The following NAPA variants were observed in gnomAD, a reference collection of about 807,000 sequenced individuals.
NAPA encodes the protein NSF attachment protein alpha, also known as alpha-soluble NSF attachment protein.
In NAPA, 18 loss-of-function variants were observed where a neutral mutation model predicts 48.0. That is an observed-to-expected ratio of 0.38 (90% CI 0.26 to 0.56). The LOEUF is 0.56. Among genes scored for constraint, NAPA ranks in the 20% least tolerant of loss-of-function variants. NAPA has a pLI of 0.77. For synonymous variants in NAPA, 152 were observed against 149.9 expected (o/e 1.01, Z -0.10); for missense variants, 315 against 385.0 (o/e 0.82, Z 1.52).
At chr19:47,490,367 G>A (rs990823564) in intron 9 of NAPA, among the ~76,000 whole-genome samples, 1 of 149,406 alleles carries the variant, frequency 6.7e-6, no homozygotes, top group Non-Finnish European at 1.5e-5. Context: ...TGTGTGTGGT[G>A]TGTGTGTAGT....
Position 47,493,328 on chromosome 19 carries a change from C to A in NAPA, c.420+88G>T. The A allele has an allele frequency of 6.5e-7, 1 of 1,529,806 alleles. No homozygotes were observed. Among genetic ancestry groups the A allele is most frequent in the South Asian group, 1.1e-5 (1 of 88,464 alleles). The allele number at this position is 1,529,806 out of a possible 1,614,324, so 94.8% of individuals were successfully genotyped here. A position where few individuals can be genotyped will look rare whatever the true frequency, so the allele number is the denominator to read the frequency against. On this transcript the variant is annotated intron_variant, in intron 5 of 10. Coordinates refer to ENST00000263354, the MANE Select transcript of NAPA (RefSeq NM_003827.4). This position sits in a 1 kb window ranked among gnomAD's most constrained non-coding sequence, Gnocchi z 6.4. ...CGCCCCATGCCCCCTTCTCGGCACT[C>A]AGACACCAGAGGACTCCCCTGGTGG...
At chr19:47,499,898 A>G (rs982903899) in intron 3 of NAPA, among the ~76,000 whole-genome samples, 3 of 152,226 alleles carry the variant, frequency 2.0e-5, no homozygotes, top group African/African-American at 7.2e-5. Flanking sequence ...CCCTGAGATG[A>G]CAGTGACAAT....
At position 47,494,525 on chromosome 19, in the gene NAPA, G is replaced by A. The variant is rs149110407; in HGVS notation, c.342+1025C>T. On this transcript the variant is annotated intron_variant, in intron 4 of 10. Transcript: ENST00000263354. ...GGCCAAGGCAGGTGGATCACTTGAGGTCAGGAGTCTGAGACCAGCCTGGCC... is the reference window on the plus strand; with the variant it reads ...GGCCAAGGCAGGTGGATCACTTGAGATCAGGAGTCTGAGACCAGCCTGGCC... Among the ~76,000 whole-genome samples the A allele has an allele frequency of 5.6e-3, 849 of 152,110 alleles. 5 individuals carry two copies. The highest frequency in any genetic ancestry group is 9.7e-3 in the Non-Finnish European group (657 of 67,978).
chr19:47,496,957 A>T, intron 3 of NAPA: 1 of 388,558 alleles, frequency 2.6e-6, no homozygotes, highest in Non-Finnish European at 5.3e-6. Context: ...TAGGGCTGAC[A>T]GACCGAGACT....
chr19:47,485,778 G>A (rs1278978066), downstream of NAPA, among the ~76,000 whole-genome samples: 3 of 152,210 alleles, frequency 2.0e-5, no homozygotes, highest in African/African-American at 4.8e-5. Context: ...GTGGAGAGTA[G>A]AAGTTCCTGG....
At chr19:47,514,397 G>A (rs1599923840) in intron 1 of NAPA, among the ~76,000 whole-genome samples, 1 of 152,006 alleles carries the variant, frequency 6.6e-6, no homozygotes, top group African/African-American at 2.4e-5. Context: ...CATCACTGCC[G>A]CCTGAGAGCC....
intron 3 of NAPA, 168 bp from the exon 4 acceptor site, chr19:47,495,764 C>T (rs751804775): frequency 4.0e-4 from 260 of 647,770 alleles, no homozygotes; most frequent in South Asian, 6.4e-4. Context: ...AAGAAGGGGA[C>T]GGAATCCCTG....
intron 2 of NAPA, 161 bp downstream of exon 2, chr19:47,503,262 A>T: frequency 1.5e-6 from 1 of 662,040 alleles, no homozygotes; most frequent in Non-Finnish European, 2.7e-6. Context: ...AAAGTAACCC[A>T]GCAGGCACAA....
intron 9 of NAPA, 48 bp downstream of exon 9, chr19:47,490,740 C>T (rs1412788159): frequency 1.9e-6 from 3 of 1,562,820 alleles, no homozygotes; most frequent in South Asian, 2.3e-5. Flanking sequence ...CCCCAGCCAC[C>T]CCCGTCTGAG....
chr19:47,512,865 C>T (rs1300329508), intron 1 of NAPA: 1 of 152,230 alleles, frequency 6.6e-6, no homozygotes, highest in Non-Finnish European at 1.5e-5. Context: ...TGTAAAGATC[C>T]CTCTCCTTCG....
intron 1 of NAPA, among the ~76,000 whole-genome samples, chr19:47,509,350 A>AC (rs1968761204): frequency 8.8e-6 from 1 of 113,782 alleles, no homozygotes; most frequent in Non-Finnish European, 2.0e-5. Context: ...AAAATAAAAT[A>AC]AATAAAATAA....
chr19:47,493,281 C>G lies in NAPA; in HGVS notation c.421-107G>C. On this transcript the variant is annotated intron_variant, in intron 5 of 10. Coordinates refer to ENST00000263354, the MANE Select transcript of NAPA (RefSeq NM_003827.4). This position sits in a 1 kb window ranked among gnomAD's most constrained non-coding sequence, Gnocchi z 6.4. Reference sequence around the variant, plus strand: ...CTGCCTGCCTGGGACACAGCCAGACCCCATTCTCCAAGCTCTGCCGGCGCC... The same window carrying G: ...CTGCCTGCCTGGGACACAGCCAGACGCCATTCTCCAAGCTCTGCCGGCGCC... 1.3e-6 allele frequency: 2 copies of G among 1,485,610 alleles called. No homozygotes were observed. The highest frequency in any genetic ancestry group is 1.2e-5 in the South Asian group (1 of 81,914). The allele number at this position is 1,485,610 out of a possible 1,614,324, so 92.0% of individuals were successfully genotyped here.
In NAPA at chr19:47,493,168, C is replaced by A; in HGVS notation, c.427G>T (p.Ala143Ser). Reference sequence around the variant, plus strand: ...TAGTCTGCAGACTGCTCGTAGTGGGCAATGGCCTGGGGAGACACGGGGGAT... The same window carrying A: ...TAGTCTGCAGACTGCTCGTAGTGGGAAATGGCCTGGGGAGACACGGGGGAT... Reference protein sequence around the residue: ...TELVDIEKAIAHYEQSADYYK... With the variant: ...TELVDIEKAISHYEQSADYYK... The change falls in exon 6 of 11, where the codon GCC becomes TCC. Residue 143 changes from alanine to serine, a missense_variant. Physicochemically the swap from Ala to Ser is moderately conservative, Grantham distance 99. Around this residue, in one of 3 missense-constraint regions of NAPA, gnomAD observed 173 missense variants for 213.5 expected, o/e 0.81. Coordinates refer to ENST00000263354, the MANE Select transcript of NAPA (RefSeq NM_003827.4). This position sits in a 1 kb window ranked among gnomAD's most constrained non-coding sequence, Gnocchi z 6.4. The A allele has an allele frequency of 1.3e-6, 2 of 1,593,650 alleles. No homozygotes were observed. Among genetic ancestry groups the A allele is most frequent in the South Asian group, 1.1e-5 (1 of 87,862 alleles).
At chr19:47,490,521 A>G (rs11667091) in intron 9 of NAPA, among the ~76,000 whole-genome samples, 1 of 40,744 alleles carries the variant, frequency 2.5e-5, no homozygotes, top group Non-Finnish European at 5.2e-5. Flanking sequence ...TGTGTAGTGT[A>G]TGTTTGGTGT....
intron 8 of NAPA, 95 bp from the exon 9 acceptor site, chr19:47,490,951 T>C: frequency 9.1e-7 from 1 of 1,100,568 alleles, no homozygotes; most frequent in Non-Finnish European, 1.3e-6. Flanking sequence ...TGTCGGGTGA[T>C]ATTGAGTCAG....
downstream of NAPA, among the ~76,000 whole-genome samples, chr19:47,485,645 G>T (rs890264915): frequency 6.6e-6 from 1 of 152,186 alleles, no homozygotes; most frequent in Non-Finnish European, 1.5e-5. Flanking sequence ...GAAAATATGT[G>T]TCAAAAATCA....
At chr19:47,491,571 G>C (rs1968268306) in intron 8 of NAPA, 1 of 156,604 alleles carries the variant, frequency 6.4e-6, no homozygotes, top group South Asian at 1.9e-4. Flanking sequence ...CAAGTGTCCT[G>C]AAAATAGGTG....
chr19:47,492,422 C>G (rs1461202817), intron 7 of NAPA: 2 of 442,666 alleles, frequency 4.5e-6, no homozygotes, highest in Non-Finnish European at 8.4e-6. Flanking sequence ...TCAGGACCAA[C>G]GGGAGGCTGG....
At chr19:47,509,349 T>TAAAATAAAATAAAATAAAATAAATA (rs869068004) in intron 1 of NAPA, among the ~76,000 whole-genome samples, 3 of 92,156 alleles carry the variant, frequency 3.3e-5, no homozygotes, top group African/African-American at 1.3e-4. Context: ...TAAAATAAAA[T>TAAAATAAAATAAAATAAAATAAATA]AAATAAAATA....
Sources: allele counts gnomAD v4.1 joint callset (sites outside exome capture counted in the v4.1 genomes callset), GRCh38; gene constraint gnomAD v4.1.1; regional missense constraint gnomAD v4.1.1; non-coding constraint Gnocchi (gnomAD v3.1); transcripts MANE v1.5; gene names NCBI Gene and HGNC (gene_info 2026-07-23, HGNC 2026-07-21).